The following MCC variants were observed in gnomAD, a reference collection of about 807,000 sequenced individuals.
The protein encoded by MCC is MCC regulator of Wnt signaling pathway, also known as colorectal mutant cancer protein.
MCC carries 90 observed loss-of-function variants against 116.2 expected under a neutral mutation model. The ratio of observed to expected loss-of-function variants is 0.77; its 90% CI spans 0.65 to 0.92. The LOEUF (loss-of-function observed/expected upper bound fraction) is 0.92. MCC is among the 40% of genes least tolerant of loss of function. MCC has a pLI of 0.00. For missense variants in MCC, 1,516 were observed against 1,312.2 expected (o/e 1.16, Z -2.40); for synonymous variants, 578 against 510.5 (o/e 1.13, Z -1.78).
intron 3 of MCC, among the ~76,000 whole-genome samples, chr5:113,277,218 A>C (rs1449532077): frequency 2.0e-5 from 3 of 151,708 alleles, no homozygotes; most frequent in African/African-American, 7.3e-5. Flanking sequence ...ACAAAAAAAA[A>C]ACAGCCAGAC....
intron 2 of MCC, among the ~76,000 whole-genome samples, chr5:113,372,688 A>T (rs184950823): frequency 2.0e-5 from 3 of 152,294 alleles, no homozygotes; most frequent in Admixed American, 6.5e-5. Flanking sequence ...TTCTGCATGT[A>T]AAACACTGTT....
chr5:113,194,950 A>C (rs1242123844), intron 3 of MCC, among the ~76,000 whole-genome samples: 1 of 152,186 alleles, frequency 6.6e-6, no homozygotes, highest in Non-Finnish European at 1.5e-5. Flanking sequence ...GTCAGTGACA[A>C]CATCACAGCC....
At chr5:113,206,247 C>T (rs1024379680) in intron 3 of MCC, among the ~76,000 whole-genome samples, 4 of 152,168 alleles carry the variant, frequency 2.6e-5, no homozygotes, top group African/African-American at 9.7e-5. Context: ...GATGCCCCAC[C>T]CAGTGTATAC....
intron 3 of MCC, among the ~76,000 whole-genome samples, chr5:113,305,137 A>T (rs1766956785): frequency 6.6e-6 from 1 of 152,166 alleles, no homozygotes. Flanking sequence ...CCACCTTCCT[A>T]GCCTTTGAGT....
chr5:113,076,257 G>A (rs539622657), intron 11 of MCC, among the ~76,000 whole-genome samples: 1 of 152,228 alleles, frequency 6.6e-6, no homozygotes, highest in African/African-American at 2.4e-5. Flanking sequence ...CCAGGAGAAC[G>A]TCCCCAACCT....
intron 3 of MCC, among the ~76,000 whole-genome samples, chr5:113,263,166 C>A (rs1312804965): frequency 6.6e-6 from 1 of 152,156 alleles, no homozygotes; most frequent in Non-Finnish European, 1.5e-5. Context: ...GTTGTCTCTT[C>A]TAAGACAATC....
rs374270179 is a variant in MCC at position 113,469,356 on chromosome 5, G to C, written c.170+18889C>G. Among the ~76,000 whole-genome samples the C allele has an allele frequency of 5.7e-4, 87 of 152,248 alleles. 1 individual carries two copies. In the Middle Eastern group the frequency reaches 0.014, roughly 24 times the overall value. ...TTTCCCTCTACACACTGCTTTGAATGTGTCCCAGAGATTCTGGTATGTTGT... is the reference window on the plus strand; with the variant it reads ...TTTCCCTCTACACACTGCTTTGAATCTGTCCCAGAGATTCTGGTATGTTGT... On this transcript the variant is annotated intron_variant, in intron 1 of 18. Coordinates refer to ENST00000408903, the MANE Select transcript of MCC (RefSeq NM_001085377.2).
intron 1 of MCC, among the ~76,000 whole-genome samples, chr5:113,443,991 T>TTGTG (rs34145955): frequency 0.096 from 13,770 of 143,978 alleles, 763 homozygotes; most frequent in African/African-American, 0.14. Context: ...CTCGGCTAAT[T>TTGTG]TGTGTGTGTG....
chr5:113,200,306 G>A (rs1762620145), intron 3 of MCC, among the ~76,000 whole-genome samples: 1 of 152,192 alleles, frequency 6.6e-6, no homozygotes, highest in African/African-American at 2.4e-5. Flanking sequence ...GTGATCTCAT[G>A]CAAATATAGC....
intron 3 of MCC, among the ~76,000 whole-genome samples, chr5:113,249,250 T>G (rs146732642): frequency 6.6e-6 from 1 of 152,294 alleles, no homozygotes; most frequent in African/African-American, 2.4e-5. Context: ...TGTTGTTTAC[T>G]CTATAAAAAC....
At chr5:113,435,608 G>C (rs1366679478) in intron 1 of MCC, 2 of 152,462 alleles carry the variant, frequency 1.3e-5, no homozygotes. Flanking sequence ...AGAGTGGTGT[G>C]TCAAGAAGGT....
intron 14 of MCC, among the ~76,000 whole-genome samples, chr5:113,055,590 G>A (rs113679641): frequency 6.6e-6 from 1 of 152,152 alleles, no homozygotes; most frequent in Non-Finnish European, 1.5e-5. Context: ...AAACCCTTTG[G>A]GGCTGCGTCT....
At chr5:113,139,614 G>A (rs1477282312) in intron 5 of MCC, among the ~76,000 whole-genome samples, 1 of 152,180 alleles carries the variant, frequency 6.6e-6, no homozygotes, top group Non-Finnish European at 1.5e-5. Flanking sequence ...ACAGATGCTG[G>A]AGAGGATGTG....
intron 3 of MCC, among the ~76,000 whole-genome samples, chr5:113,277,085 G>A (rs1050056941): frequency 1.3e-5 from 2 of 151,970 alleles, no homozygotes; most frequent in African/African-American, 4.8e-5. Context: ...GCTCACACCT[G>A]TAATCCCAGC....
rs150761681 is a variant in MCC at position 113,069,777 on chromosome 5, G to A, written c.1925+1317C>T. Among the ~76,000 whole-genome samples, 1,335 of 152,194 alleles carry A rather than the reference G, an allele frequency of 8.8e-3. 21 individuals are homozygous for A. Among genetic ancestry groups the A allele is most frequent in the African/African-American group, 0.03 (1,261 of 41,526 alleles). ...TTTTTTTTGTATTTTTAGTAGCGAC[G>A]GGGTTTCACTGTGTTAGCCAGGATG... On this transcript the variant is annotated intron_variant, in intron 12 of 18. Transcript: ENST00000408903.
At chr5:113,440,218 A>T (rs1770994259) in intron 1 of MCC, among the ~76,000 whole-genome samples, 1 of 152,316 alleles carries the variant, frequency 6.6e-6, no homozygotes, top group Non-Finnish European at 1.5e-5. Flanking sequence ...CTTATTAAAG[A>T]TCAATCAGGA....
chr5:113,085,403 T>C (rs995983917), intron 8 of MCC, 93 bp from the exon 9 acceptor site: 28 of 1,264,340 alleles, frequency 2.2e-5, no homozygotes, highest in South Asian at 1.7e-4. Flanking sequence ...TTCATTTACA[T>C]TGAGGGATCA....
chr5:113,044,496 G>C lies in MCC; in HGVS notation c.2656-866C>G, dbSNP rs116005122. The C allele has an allele frequency of 1.3e-3, 1,284 of 983,876 alleles. 13 individuals carry two copies. The African/African-American group carries it at 0.02, about 16-fold the overall frequency. 60.9% of individuals were successfully genotyped at this position (983,876 alleles called of 1,614,324 possible). On this transcript the variant is annotated intron_variant, in intron 16 of 18. Transcript: ENST00000408903. ...GCATTCATCGGATGATCTCTCAACG[G>C]ACATGAGTGCTACCAAGCTGCAGAC...
chr5:113,376,234 C>A (rs1768976761), intron 2 of MCC, among the ~76,000 whole-genome samples: 1 of 152,106 alleles, frequency 6.6e-6, no homozygotes, highest in Admixed American at 6.5e-5. Context: ...TGAAGACTGA[C>A]AATAAATTGA....
Sources: gnomAD v4.1 joint callset for allele counts (sites outside exome capture counted in the v4.1 genomes callset) on GRCh38, gnomAD v4.1.1 for gene constraint, MANE v1.5 for transcripts, NCBI Gene and HGNC (gene_info 2026-07-23, HGNC 2026-07-21) for gene names.